NELL1: variants seen among roughly 807,000 people sequenced by gnomAD.
The protein encoded by NELL1 is neural EGFL like 1, also known as protein kinase C-binding protein NELL1.
A neutral mutation model predicts 107.4 loss-of-function variants in NELL1; 76 were observed. The observed-to-expected ratio is 0.71, with a 90% CI of 0.59 to 0.86. The LOEUF is 0.86. Among genes scored for constraint, NELL1 ranks in the 40% least tolerant of loss-of-function variants. NELL1 has a pLI of 0.00. For synonymous variants in NELL1, 353 were observed against 341.2 expected (o/e 1.03, Z -0.38); for missense variants, 1,024 against 1,005.5 (o/e 1.02, Z -0.25).
At chr11:21,066,665 C>T (rs1454900565) in intron 12 of NELL1, among the ~76,000 whole-genome samples, 2 of 152,014 alleles carry the variant, frequency 1.3e-5, no homozygotes, top group African/African-American at 2.4e-5. Context: ...TAAAAGAGTT[C>T]CAGGTCCAGT....
Position 20,738,080 on chromosome 11 carries a change from GACA to G in NELL1, c.185-45599_185-45597del, listed in dbSNP as rs1855803500. On this transcript the variant is annotated intron_variant, in intron 2 of 19. Transcript: ENST00000357134. ...ACACCCAGAATCATCTATCATCTAT[GACA>G]CAGTGTGAGAAAATGTAGCATAGAA... Among the ~76,000 whole-genome samples the G allele has an allele frequency of 4.9e-5, 7 of 144,208 alleles. No homozygotes were observed. The South Asian group carries it at 1.4e-3, about 28-fold the overall frequency. 94.6% of individuals were successfully genotyped at this position (144,208 alleles called of 152,430 possible). A position where few individuals can be genotyped will look rare whatever the true frequency, so the allele number is the denominator to read the frequency against.
chr11:20,767,186 G>T (rs542774357), intron 2 of NELL1, among the ~76,000 whole-genome samples: 1 of 152,186 alleles, frequency 6.6e-6, no homozygotes, highest in Non-Finnish European at 1.5e-5. Flanking sequence ...TTCGCGGTGA[G>T]TGTAACAGCT....
At chr11:20,698,697 A>T (rs1035250502) in intron 2 of NELL1, among the ~76,000 whole-genome samples, 3 of 152,144 alleles carry the variant, frequency 2.0e-5, no homozygotes, top group African/African-American at 7.2e-5. Context: ...GGTTACATGG[A>T]TAAGTTATTT....
At chr11:20,744,798 G>T (rs1855967649) in intron 2 of NELL1, among the ~76,000 whole-genome samples, 2 of 152,338 alleles carry the variant, frequency 1.3e-5, no homozygotes, top group South Asian at 4.1e-4. Context: ...TCTGTCCACA[G>T]TGGGAGTAGG....
chr11:21,371,290 T>C (rs1175482667), intron 15 of NELL1, among the ~76,000 whole-genome samples: 1 of 152,128 alleles, frequency 6.6e-6, no homozygotes, highest in Non-Finnish European at 1.5e-5. Context: ...ACACAGTTAT[T>C]AGAATTATAA....
At chr11:20,900,411 A>ATG (rs1849847429) in intron 5 of NELL1, among the ~76,000 whole-genome samples, 1 of 152,150 alleles carries the variant, frequency 6.6e-6, no homozygotes, top group Admixed American at 6.6e-5. Flanking sequence ...ATATGCTACA[A>ATG]ATTCACATTG....
intron 4 of NELL1, among the ~76,000 whole-genome samples, chr11:20,857,904 G>A (rs1400205930): frequency 6.6e-5 from 10 of 152,168 alleles, no homozygotes; most frequent in Admixed American, 2.6e-4. Flanking sequence ...GCTTTGGGTC[G>A]CAACTATGGA....
intron 16 of NELL1, among the ~76,000 whole-genome samples, chr11:21,552,470 G>A (rs898069459): frequency 6.6e-6 from 1 of 150,988 alleles, no homozygotes; most frequent in Non-Finnish European, 1.5e-5. Context: ...TGGCTTATAT[G>A]ATTTTACCTC....
At chr11:21,358,353 C>T (rs970783519) in intron 14 of NELL1, among the ~76,000 whole-genome samples, 4 of 151,844 alleles carry the variant, frequency 2.6e-5, no homozygotes, top group Non-Finnish European at 5.9e-5. Flanking sequence ...TTGTAGAGGT[C>T]TTTCACCTCC....
intron 2 of NELL1, among the ~76,000 whole-genome samples, chr11:20,714,194 ATTTTTTTTTTTTTTT>A (rs34441596): frequency 3.2e-5 from 2 of 61,736 alleles, no homozygotes; most frequent in Admixed American, 5.4e-4. Context: ...TATCTCCCCG[ATTTTTTTTTTTTTTT>A]TTTTTTTTTT....
intron 15 of NELL1, among the ~76,000 whole-genome samples, chr11:21,447,366 C>G (rs186311915): frequency 6.6e-6 from 1 of 152,258 alleles, no homozygotes; most frequent in Admixed American, 6.5e-5. Flanking sequence ...GCCACTATAG[C>G]TGTGTATGTG....
intron 12 of NELL1, among the ~76,000 whole-genome samples, chr11:21,041,649 C>A (rs1367758406): frequency 6.6e-6 from 1 of 152,112 alleles, no homozygotes; most frequent in African/African-American, 2.4e-5. Flanking sequence ...TTATACTAGA[C>A]CATTATTCAC....
intron 15 of NELL1, among the ~76,000 whole-genome samples, chr11:21,520,236 C>T (rs969571960): frequency 1.3e-5 from 2 of 152,092 alleles, no homozygotes; most frequent in Non-Finnish European, 2.9e-5. Flanking sequence ...AAGGGCATTC[C>T]AATAGTTTCT....
At position 20,678,071 on chromosome 11, in the gene NELL1, C is replaced by T; in HGVS notation, c.184+11C>T. 1 of 1,613,932 alleles carries T rather than the reference C, an allele frequency of 6.2e-7. No homozygotes were observed. Among genetic ancestry groups the T allele is most frequent in the Non-Finnish European group, 8.5e-7 (1 of 1,179,878 alleles). ...CATTTTTATTTCAAGGTAAAGGCACCTCCTTTCTTGCATGGTGGCAGAGGT... is the reference window on the plus strand; with the variant it reads ...CATTTTTATTTCAAGGTAAAGGCACTTCCTTTCTTGCATGGTGGCAGAGGT... On this transcript the variant is annotated intron_variant, in intron 2 of 19. Coordinates refer to ENST00000357134, the MANE Select transcript of NELL1 (RefSeq NM_006157.5).
chr11:21,466,175 CT>C (rs1344431138), intron 15 of NELL1, among the ~76,000 whole-genome samples: 4 of 152,130 alleles, frequency 2.6e-5, no homozygotes, highest in African/African-American at 9.7e-5. Flanking sequence ...CAATAGCCGA[CT>C]TATTTTTCCT....
At chr11:20,891,828 A>G (rs990129328) in intron 5 of NELL1, among the ~76,000 whole-genome samples, 2 of 152,202 alleles carry the variant, frequency 1.3e-5, no homozygotes, top group Non-Finnish European at 2.9e-5. Context: ...CTAAATACAT[A>G]TATGCACCCA....
Position 21,315,439 on chromosome 11 carries a change from G to A in NELL1, c.1550-55414G>A, listed in dbSNP as rs576806706. Among the ~76,000 whole-genome samples the A allele has an allele frequency of 1.9e-4, 29 of 152,232 alleles. 1 individual carries two copies. In the South Asian group the frequency reaches 5.8e-3, roughly 30 times the overall value. ...AAGCAGTGCACCAGATTCAGGATGG[G>A]TTTAGGTTAAAGAATGGACAGAACT... On this transcript the variant is annotated intron_variant, in intron 14 of 19. Coordinates refer to ENST00000357134, the MANE Select transcript of NELL1 (RefSeq NM_006157.5).
intron 12 of NELL1, among the ~76,000 whole-genome samples, chr11:21,010,605 C>T (rs1012793013): frequency 3.3e-5 from 5 of 152,074 alleles, no homozygotes; most frequent in African/African-American, 1.2e-4. Flanking sequence ...AGTGGTAATA[C>T]TCGCTGTCTA....
rs139813817 is a variant in NELL1, at chr11:21,357,425, T to C, written c.1550-13428T>C. ...ATTAGTGATGTTGAGAATTTTTTTGTATATTCGTTGGCCATTTGTATATCT... is the reference window on the plus strand; with the variant it reads ...ATTAGTGATGTTGAGAATTTTTTTGCATATTCGTTGGCCATTTGTATATCT... On this transcript the variant is annotated intron_variant, in intron 14 of 19. Coordinates refer to ENST00000357134, the MANE Select transcript of NELL1 (RefSeq NM_006157.5). Among the ~76,000 whole-genome samples the C allele has an allele frequency of 4.6e-5, 7 of 152,364 alleles. No individual in the cohort carries two copies. In the East Asian group the frequency reaches 1.3e-3, roughly 29 times the overall value.
Sources: gnomAD v4.1 joint callset for allele counts (sites outside exome capture counted in the v4.1 genomes callset) on GRCh38, gnomAD v4.1.1 for gene constraint, MANE v1.5 for transcripts, NCBI Gene and HGNC (gene_info 2026-07-23, HGNC 2026-07-21) for gene names.